Variants in PTPRM observed in about 807,000 individuals in gnomAD.
The protein encoded by PTPRM is protein tyrosine phosphatase receptor type M, also known as receptor-type tyrosine-protein phosphatase mu.
PTPRM carries 47 observed loss-of-function variants against 186.7 expected under a neutral mutation model. That is an observed-to-expected ratio of 0.25 (90% CI 0.20 to 0.32). The LOEUF (loss-of-function observed/expected upper bound fraction) is 0.32, where lower values mean the gene tolerates loss of function less well. PTPRM is among the 10% of genes least tolerant of loss of function. PTPRM has a pLI of 1.00. For synonymous variants in PTPRM, 668 were observed against 674.9 expected, an observed-to-expected ratio of 0.99 and a Z score of 0.16; for missense variants, 1,494 against 1,865.0, an observed-to-expected ratio of 0.80 and a Z score of 3.66.
chr18:7,707,667 T>C (rs1202787045), intron 1 of PTPRM, among the ~76,000 whole-genome samples: 1 of 152,038 alleles, frequency 6.6e-6, no homozygotes, highest in Non-Finnish European at 1.5e-5. Flanking sequence ...TACATAAATA[T>C]CTACTGTCTC....
At chr18:8,169,177 G>A (rs1195939577) in intron 14 of PTPRM, among the ~76,000 whole-genome samples, 3 of 152,098 alleles carry the variant, frequency 2.0e-5, no homozygotes, top group African/African-American at 4.8e-5. Context: ...ACCACACCTA[G>A]CAAGAAGAGA....
intron 6 of PTPRM, among the ~76,000 whole-genome samples, chr18:7,953,365 G>A (rs1396253953): frequency 1.3e-5 from 2 of 152,110 alleles, no homozygotes; most frequent in East Asian, 3.9e-4. Flanking sequence ...AAATGCCTTA[G>A]GATGTACCAT....
At chr18:7,742,138 T>C (rs2040895524) in intron 1 of PTPRM, among the ~76,000 whole-genome samples, 1 of 152,224 alleles carries the variant, frequency 6.6e-6, no homozygotes, top group African/African-American at 2.4e-5. Flanking sequence ...GAAAAGGTGG[T>C]ATATGGTAGC....
intron 11 of PTPRM, among the ~76,000 whole-genome samples, chr18:8,097,196 T>C (rs2091055350): frequency 6.6e-6 from 1 of 152,228 alleles, no homozygotes; most frequent in Non-Finnish European, 1.5e-5. Context: ...TTTTTAAGTA[T>C]ATTATATTAT....
At chr18:7,802,035 TC>T (rs1175906076) in intron 2 of PTPRM, among the ~76,000 whole-genome samples, 1 of 152,342 alleles carries the variant, frequency 6.6e-6, no homozygotes, top group East Asian at 1.9e-4. Context: ...TTTAGAAATA[TC>T]CTATGTCCTT....
intron 1 of PTPRM, among the ~76,000 whole-genome samples, chr18:7,696,891 A>C (rs778077216): frequency 1.1e-4 from 17 of 152,164 alleles, no homozygotes; most frequent in Non-Finnish European, 2.1e-4. Context: ...TTGTTTATGC[A>C]TGTTTTTATG....
At chr18:8,108,557 G>A (rs1005039464) in intron 11 of PTPRM, among the ~76,000 whole-genome samples, 2 of 152,156 alleles carry the variant, frequency 1.3e-5, no homozygotes, top group Admixed American at 1.3e-4. Context: ...GAACTCGAAA[G>A]TTAGGAAAAA....
chr18:7,642,342 T>C (rs1279301075), intron 1 of PTPRM, among the ~76,000 whole-genome samples: 1 of 152,214 alleles, frequency 6.6e-6, no homozygotes, highest in Non-Finnish European at 1.5e-5. Flanking sequence ...GATGTGTTCT[T>C]AAAAGTTGGG....
chr18:7,920,923 T>C (rs933544950), intron 4 of PTPRM, among the ~76,000 whole-genome samples: 2 of 152,198 alleles, frequency 1.3e-5, no homozygotes, highest in Admixed American at 1.3e-4. Context: ...GAAAATGTCT[T>C]CTTATACACT....
At chr18:8,219,361 G>A (rs2094127947) in intron 14 of PTPRM, among the ~76,000 whole-genome samples, 2 of 152,104 alleles carry the variant, frequency 1.3e-5, no homozygotes, top group East Asian at 3.9e-4. Context: ...CAGCTACTCG[G>A]GAGGCTGAGG....
At chr18:8,024,246 T>A (rs2085418519) in intron 7 of PTPRM, among the ~76,000 whole-genome samples, 1 of 151,722 alleles carries the variant, frequency 6.6e-6, no homozygotes, top group Admixed American at 6.6e-5. Flanking sequence ...GTTAGTTGAT[T>A]TTTTTTTCCT....
At chr18:8,256,719 C>T (rs1402046623) in intron 19 of PTPRM, among the ~76,000 whole-genome samples, 2 of 152,182 alleles carry the variant, frequency 1.3e-5, no homozygotes, top group Non-Finnish European at 2.9e-5. Flanking sequence ...TTCCCGTTAA[C>T]AAGTAACTTA....
chr18:8,341,132 C>T (rs2095472192), intron 22 of PTPRM, among the ~76,000 whole-genome samples: 1 of 152,130 alleles, frequency 6.6e-6, no homozygotes, highest in Non-Finnish European at 1.5e-5. Flanking sequence ...GAAGATGTCA[C>T]CTTTCCATGA....
chr18:8,135,011 T>C (rs1225146243), intron 13 of PTPRM, among the ~76,000 whole-genome samples: 1 of 152,218 alleles, frequency 6.6e-6, no homozygotes, highest in Admixed American at 6.5e-5. Context: ...GTATTAATTA[T>C]ACTTCATGGT....
chr18:8,187,635 G>A (rs753655363), intron 14 of PTPRM, among the ~76,000 whole-genome samples: 5 of 152,194 alleles, frequency 3.3e-5, no homozygotes, highest in African/African-American at 4.8e-5. Context: ...GCAGAAAAAC[G>A]TTAGCAAGAG....
intron 7 of PTPRM, among the ~76,000 whole-genome samples, chr18:8,024,244 AT>A (rs554938247): frequency 1.3e-3 from 196 of 150,644 alleles, no homozygotes; most frequent in Admixed American, 2.5e-3. Flanking sequence ...TTGTTAGTTG[AT>A]TTTTTTTTCC....
At chr18:8,100,262 C>T (rs1409800053) in intron 11 of PTPRM, among the ~76,000 whole-genome samples, 1 of 152,146 alleles carries the variant, frequency 6.6e-6, no homozygotes, top group Admixed American at 6.5e-5. Flanking sequence ...CTGCCTCAGC[C>T]TCCTGAGTAT....
intron 3 of PTPRM, among the ~76,000 whole-genome samples, chr18:7,898,949 T>C (rs1469221325): frequency 6.6e-6 from 1 of 152,270 alleles, no homozygotes; most frequent in Non-Finnish European, 1.5e-5. Flanking sequence ...GTTTTTGTAA[T>C]GTTTTTGTCT....
chr18:7,975,368 A>G (rs2054860513), intron 7 of PTPRM, among the ~76,000 whole-genome samples: 2 of 152,358 alleles, frequency 1.3e-5, no homozygotes, highest in East Asian at 1.9e-4. Flanking sequence ...CAAGCAACCT[A>G]GAGGTCAGTA....
Sources: allele counts gnomAD v4.1 joint callset (sites outside exome capture counted in the v4.1 genomes callset), GRCh38; gene constraint gnomAD v4.1.1; transcripts MANE v1.5; gene names NCBI Gene and HGNC (gene_info 2026-07-23, HGNC 2026-07-21).